Variants in ZDHHC21 observed in about 807,000 individuals in gnomAD.
ZDHHC21 encodes palmitoyltransferase ZDHHC21.
In ZDHHC21, 15 loss-of-function variants were observed where a neutral mutation model predicts 34.6. The ratio of observed to expected loss-of-function variants is 0.43; its 90% CI spans 0.29 to 0.67. The LOEUF is 0.67. Among genes scored for constraint, ZDHHC21 ranks in the 30% least tolerant of loss-of-function variants. The pLI, the probability that ZDHHC21 is intolerant of heterozygous loss-of-function variation, is 0.14. For synonymous variants in ZDHHC21, 142 were observed against 101.8 expected (o/e 1.40, Z -2.38); for missense variants, 344 against 327.7 (o/e 1.05, Z -0.38).
At chr9:14,598,771 G>A in the ZDHHC21 span, among the ~76,000 whole-genome samples, 1 of 151,920 alleles carries the variant, frequency 6.6e-6, no homozygotes, top group Non-Finnish European at 1.5e-5. Context: ...TTATTTTTAA[G>A]ACAGGGTCTC....
chr9:14,671,769 A>G (rs1835486423), intron 5 of ZDHHC21, among the ~76,000 whole-genome samples: 1 of 152,122 alleles, frequency 6.6e-6, no homozygotes, highest in African/African-American at 2.4e-5. Flanking sequence ...AAACCCATAG[A>G]ATTGTACACT....
intron 6 of ZDHHC21, among the ~76,000 whole-genome samples, chr9:14,661,469 T>C (rs1054156681): frequency 6.6e-6 from 1 of 152,228 alleles, no homozygotes; most frequent in Non-Finnish European, 1.5e-5. Flanking sequence ...TGTCAAATTC[T>C]ACACTATACC....
the ZDHHC21 span, among the ~76,000 whole-genome samples, chr9:14,590,488 G>C: frequency 1.3e-5 from 2 of 151,680 alleles, no homozygotes; most frequent in Admixed American, 6.6e-5. Context: ...CAGAGATAAT[G>C]GGACTATTTC....
chr9:14,605,230 G>C, the ZDHHC21 span, among the ~76,000 whole-genome samples: 2 of 148,902 alleles, frequency 1.3e-5, no homozygotes, highest in Non-Finnish European at 3.0e-5. Context: ...ATATCCAGAA[G>C]TGGGAATCCT....
intron 8 of ZDHHC21, among the ~76,000 whole-genome samples, chr9:14,626,791 A>T (rs1382136080): frequency 6.6e-6 from 1 of 152,058 alleles, no homozygotes; most frequent in Non-Finnish European, 1.5e-5. Context: ...ACTATATGAC[A>T]TTAAAAGCAT....
the ZDHHC21 span, among the ~76,000 whole-genome samples, chr9:14,605,162 A>C: frequency 6.6e-6 from 1 of 151,754 alleles, no homozygotes; most frequent in Non-Finnish European, 1.5e-5. Flanking sequence ...TACTGCATTA[A>C]TGAAATGGGG....
At position 14,611,743 on chromosome 9, in the gene ZDHHC21, C is replaced by T. The variant is rs1366536052; in HGVS notation, c.*7223G>A. 6.6e-6 allele frequency: 1 copy of T among 151,970 alleles called. No homozygotes were observed. The highest frequency in any genetic ancestry group is 1.5e-5 in the Non-Finnish European group (1 of 67,918). 9.4% of individuals were successfully genotyped at this position (151,970 alleles called of 1,614,324 possible). The stretch of plus-strand genomic sequence containing the variant: ...TAATTCCAGGGACACAAAGTGAGCT[C>T]ATACAGCATGATCCACGTGTGCTCT... On this transcript the variant is annotated 3_prime_UTR_variant, in exon 10 of 10. Transcript: ENST00000380916.
At chr9:14,663,349 G>T (rs1031079051) in intron 5 of ZDHHC21, among the ~76,000 whole-genome samples, 7 of 152,014 alleles carry the variant, frequency 4.6e-5, no homozygotes, top group Non-Finnish European at 1.0e-4. Context: ...AGTACATGAA[G>T]AGTAGGACCC....
At chr9:14,684,296 G>GAAAA (rs1277636905) in intron 2 of ZDHHC21, among the ~76,000 whole-genome samples, 83 of 151,972 alleles carry the variant, frequency 5.5e-4, no homozygotes, top group Admixed American at 3.0e-3. Context: ...TGTGTATTTA[G>GAAAA]AAAACCCCAT....
At chr9:14,673,959 T>C (rs1339318500) in intron 4 of ZDHHC21, among the ~76,000 whole-genome samples, 1 of 152,082 alleles carries the variant, frequency 6.6e-6, no homozygotes, top group African/African-American at 2.4e-5. Context: ...AACAAAATGG[T>C]CTTCATGCAC....
At chr9:14,636,152 C>A (rs1828266827) in intron 8 of ZDHHC21, among the ~76,000 whole-genome samples, 1 of 152,048 alleles carries the variant, frequency 6.6e-6, no homozygotes, top group Admixed American at 6.6e-5. Context: ...CATGACACAA[C>A]AATATGCTGC....
intron 7 of ZDHHC21, among the ~76,000 whole-genome samples, chr9:14,646,421 T>A (rs1276627318): frequency 2.0e-5 from 3 of 151,978 alleles, no homozygotes; most frequent in African/African-American, 7.3e-5. Context: ...AAAACCAAAC[T>A]CTTAAAATAC....
chr9:14,591,495 T>C, the ZDHHC21 span, among the ~76,000 whole-genome samples: 2 of 152,028 alleles, frequency 1.3e-5, no homozygotes, highest in Non-Finnish European at 2.9e-5. Context: ...GTTCTTTATA[T>C]ATTCTCCAGT....
At chr9:14,674,576 G>A (rs10961652) in intron 3 of ZDHHC21, among the ~76,000 whole-genome samples, 191 bp from the exon 4 acceptor site, 55,352 of 151,734 alleles carry the variant, frequency 0.36, 10,491 homozygotes, top group Non-Finnish European at 0.41. Context: ...AAAACAAACA[G>A]AAGTTTCAGG....
At chr9:14,683,969 G>C (rs1012501445) in intron 2 of ZDHHC21, among the ~76,000 whole-genome samples, 5 of 152,312 alleles carry the variant, frequency 3.3e-5, no homozygotes, top group Middle Eastern at 3.4e-3. Context: ...TATCTCAATA[G>C]ATGCAGAAAA....
At chr9:14,607,455 A>G (rs1823048263), downstream of ZDHHC21, among the ~76,000 whole-genome samples, 1 of 152,146 alleles carries the variant, frequency 6.6e-6, no homozygotes, top group African/African-American at 2.4e-5. Context: ...TCATTATATG[A>G]TAGGAATATC....
At chr9:14,629,825 G>C (rs1031919048) in intron 8 of ZDHHC21, among the ~76,000 whole-genome samples, 1 of 152,030 alleles carries the variant, frequency 6.6e-6, no homozygotes, top group Non-Finnish European at 1.5e-5. Context: ...GAGGCAGGTG[G>C]ATATTGAGGT....
intron 1 of ZDHHC21, among the ~76,000 whole-genome samples, chr9:14,692,914 T>C (rs1288163409): frequency 6.6e-6 from 1 of 151,338 alleles, no homozygotes. Context: ...AATAAATAAA[T>C]AACTAGCCAA....
chr9:14,604,757 G>A, the ZDHHC21 span, among the ~76,000 whole-genome samples: 2 of 151,906 alleles, frequency 1.3e-5, no homozygotes, highest in African/African-American at 2.4e-5. Context: ...TATACAGTAC[G>A]GTACTGTTAA....
Sources: allele counts gnomAD v4.1 joint callset (sites outside exome capture counted in the v4.1 genomes callset), GRCh38; gene constraint gnomAD v4.1.1; transcripts MANE v1.5; gene names NCBI Gene and HGNC (gene_info 2026-07-23, HGNC 2026-07-21).